ARHGAP10: variants seen among roughly 807,000 people sequenced by gnomAD.
The protein encoded by ARHGAP10 is rho GTPase-activating protein 10.
Under a neutral mutation model 108.6 loss-of-function variants are expected in ARHGAP10, and 87 were observed. The ratio of observed to expected loss-of-function variants is 0.80; its 90% CI spans 0.67 to 0.96. The LOEUF (loss-of-function observed/expected upper bound fraction) is 0.96, where lower values mean the gene tolerates loss of function less well. Among genes scored for constraint, ARHGAP10 ranks in the 40% least tolerant of loss-of-function variants. ARHGAP10 has a pLI of 0.00. For synonymous variants in ARHGAP10, 347 were observed against 341.1 expected, an observed-to-expected ratio of 1.02 and a Z score of -0.19; for missense variants, 939 against 954.5, an observed-to-expected ratio of 0.98 and a Z score of 0.21.
chr4:147,794,954 A>C (rs1255211534), intron 1 of ARHGAP10, among the ~76,000 whole-genome samples: 1 of 152,228 alleles, frequency 6.6e-6, no homozygotes, highest in African/African-American at 2.4e-5. Context: ...TATTTAAAGT[A>C]CGTTTTGAGG....
intron 20 of ARHGAP10, among the ~76,000 whole-genome samples, chr4:148,058,885 AAG>A (rs1729478712): frequency 6.6e-6 from 1 of 152,206 alleles, no homozygotes. Context: ...CTTTTTAAAG[AAG>A]AGAGTTTCCT....
chr4:147,905,058 T>C (rs570471361), intron 10 of ARHGAP10, among the ~76,000 whole-genome samples: 66 of 152,198 alleles, frequency 4.3e-4, no homozygotes, highest in Non-Finnish European at 8.1e-4. Flanking sequence ...TCATATCCTT[T>C]GCCCACTTTT....
chr4:147,746,590 A>G (rs1578994507), intron 1 of ARHGAP10, among the ~76,000 whole-genome samples: 3 of 151,634 alleles, frequency 2.0e-5, no homozygotes, highest in East Asian at 1.9e-4. Flanking sequence ...GGGTTTCACC[A>G]TGTTGGCCAG....
At chr4:147,993,584 C>T (rs1236196940) in intron 18 of ARHGAP10, among the ~76,000 whole-genome samples, 1 of 152,186 alleles carries the variant, frequency 6.6e-6, no homozygotes, top group East Asian at 1.9e-4. Context: ...GCAACTGTGA[C>T]ACAGTAGAAA....
chr4:147,988,760 C>T (rs113675524), intron 18 of ARHGAP10, among the ~76,000 whole-genome samples: 2,260 of 152,268 alleles, frequency 0.015, 35 homozygotes, highest in African/African-American at 0.039. Context: ...CCCACACTTC[C>T]GTGTAGGAAC....
At chr4:148,009,520 T>A (rs1741091640) in intron 18 of ARHGAP10, among the ~76,000 whole-genome samples, 1 of 152,198 alleles carries the variant, frequency 6.6e-6, no homozygotes, top group Non-Finnish European at 1.5e-5. Flanking sequence ...TCATTTTATG[T>A]GCAAGGATAT....
intron 8 of ARHGAP10, among the ~76,000 whole-genome samples, chr4:147,878,482 G>A (rs1297661719): frequency 6.6e-6 from 1 of 152,070 alleles, no homozygotes; most frequent in Non-Finnish European, 1.5e-5. Flanking sequence ...AGCACTAGGT[G>A]GATTTTTAGA....
intron 22 of ARHGAP10, among the ~76,000 whole-genome samples, chr4:148,066,288 T>G (rs557761395): frequency 3.7e-4 from 57 of 152,304 alleles, no homozygotes; most frequent in Non-Finnish European, 7.3e-4. Flanking sequence ...CATCCTCACA[T>G]CCCAGTATGC....
At chr4:147,783,170 A>C (rs1161771206) in intron 1 of ARHGAP10, among the ~76,000 whole-genome samples, 3 of 128,428 alleles carry the variant, frequency 2.3e-5, no homozygotes, top group Non-Finnish European at 5.2e-5. Flanking sequence ...TATAATTTAT[A>C]TAACACATTA....
At chr4:147,741,572 T>C (rs1728656710) in intron 1 of ARHGAP10, among the ~76,000 whole-genome samples, 2 of 152,126 alleles carry the variant, frequency 1.3e-5, no homozygotes, top group South Asian at 4.1e-4. Flanking sequence ...TGGTATCTTG[T>C]GGTAAGCCCC....
intron 19 of ARHGAP10, among the ~76,000 whole-genome samples, chr4:148,028,068 A>G (rs1727959598): frequency 6.6e-6 from 1 of 152,182 alleles, no homozygotes; most frequent in Non-Finnish European, 1.5e-5. Context: ...CTGCAGTGAA[A>G]TAAGAAACAA....
intron 1 of ARHGAP10, among the ~76,000 whole-genome samples, chr4:147,759,853 A>G (rs984877400): frequency 6.6e-6 from 1 of 152,070 alleles, no homozygotes; most frequent in Non-Finnish European, 1.5e-5. Flanking sequence ...GGCTCAAGTG[A>G]TTCTCCTGCC....
chr4:147,811,596 AAAAAAAC>A (rs1732021781), intron 1 of ARHGAP10, among the ~76,000 whole-genome samples: 1 of 151,908 alleles, frequency 6.6e-6, no homozygotes, highest in Non-Finnish European at 1.5e-5. Context: ...TTTTTAAAAA[AAAAAAAC>A]AAAAAACAAA....
At position 147,791,543 on chromosome 4, in the gene ARHGAP10, T is replaced by C. The variant is rs148779661; in HGVS notation, c.155-31184T>C. Among the ~76,000 whole-genome samples the C allele has an allele frequency of 8.4e-3, 1,274 of 152,192 alleles. 19 individuals carry two copies. Among genetic ancestry groups the C allele is most frequent in the East Asian group, 0.036 (185 of 5,176 alleles). On this transcript the variant is annotated intron_variant, in intron 1 of 22. Transcript: ENST00000336498. ...TTCCGTGTGTGTGTGTGCGCGCGCG[T>C]GCGTGCGCGCGTGTATATATATATA...
At chr4:148,060,025 G>A (rs368411564) in intron 20 of ARHGAP10, among the ~76,000 whole-genome samples, 1 of 70,034 alleles carries the variant, frequency 1.4e-5, no homozygotes. Flanking sequence ...AGGGGAGAGA[G>A]ACGAGAGAGA....
chr4:147,751,386 C>CA (rs1327705043), intron 1 of ARHGAP10, among the ~76,000 whole-genome samples: 2 of 148,624 alleles, frequency 1.3e-5, no homozygotes, highest in Non-Finnish European at 3.0e-5. Flanking sequence ...TTTTTTGAGA[C>CA]AGAGTCTTGT....
chr4:147,877,182 A>G (rs1242380409), intron 8 of ARHGAP10, among the ~76,000 whole-genome samples: 1 of 151,190 alleles, frequency 6.6e-6, no homozygotes, highest in Admixed American at 6.6e-5. Flanking sequence ...CTAAGCTTAA[A>G]TTTTTTTTGG....
At chr4:147,860,470 AAAAC>A in intron 5 of ARHGAP10, among the ~76,000 whole-genome samples, 1 of 150,980 alleles carries the variant, frequency 6.6e-6, no homozygotes, top group South Asian at 2.1e-4. Flanking sequence ...CAAAACAAAA[AAAAC>A]CAGGAGAAAA....
At chr4:147,875,746 A>G (rs1342918871) in intron 8 of ARHGAP10, among the ~76,000 whole-genome samples, 1 of 152,190 alleles carries the variant, frequency 6.6e-6, no homozygotes, top group African/African-American at 2.4e-5. Flanking sequence ...GTGGCATCCT[A>G]ACTTGTAGGC....
Sources: gnomAD v4.1 joint callset for allele counts (sites outside exome capture counted in the v4.1 genomes callset) on GRCh38, gnomAD v4.1.1 for gene constraint, MANE v1.5 for transcripts, NCBI Gene and HGNC (gene_info 2026-07-23, HGNC 2026-07-21) for gene names.